EPS15: variants seen among roughly 807,000 people sequenced by gnomAD.
EPS15 encodes the protein epidermal growth factor receptor substrate 15.
In EPS15, 72 loss-of-function variants were observed where a neutral mutation model predicts 113.8. The observed-to-expected ratio is 0.63, with a 90% CI of 0.52 to 0.77. EPS15 has a LOEUF of 0.77. EPS15 is among the 30% of genes least tolerant of loss of function. The pLI is 0.00. For synonymous variants in EPS15, 344 were observed against 363.4 expected (o/e 0.95, Z 0.61); for missense variants, 1,048 against 1,045.8 (o/e 1.00, Z -0.03).
At chr1:51,471,767 T>C (rs199852482) in intron 3 of EPS15, 30 bp from the exon 4 acceptor site, 57 of 1,524,662 alleles carry the variant, frequency 3.7e-5, no homozygotes, top group Admixed American at 2.4e-4. Context: ...AATATCAATG[T>C]ATATTTTAAA....
intron 12 of EPS15, among the ~76,000 whole-genome samples, chr1:51,422,753 T>G (rs1650876423): frequency 6.6e-6 from 1 of 152,236 alleles, no homozygotes; most frequent in African/African-American, 2.4e-5. Flanking sequence ...CTCCCTTCAC[T>G]TTCTTTTCTA....
intron 1 of EPS15, among the ~76,000 whole-genome samples, chr1:51,489,793 C>T (rs1044101249): frequency 6.6e-6 from 1 of 152,142 alleles, no homozygotes; most frequent in Admixed American, 6.5e-5. Flanking sequence ...GAAGCTTCAA[C>T]AGCTATTGTG....
intron 8 of EPS15, among the ~76,000 whole-genome samples, chr1:51,451,476 G>C (rs1179299289): frequency 9.0e-6 from 1 of 110,920 alleles, no homozygotes; most frequent in Non-Finnish European, 1.7e-5. Flanking sequence ...GGGAAACAGA[G>C]AGAGACTCCA....
At position 51,430,977 on chromosome 1, in the gene EPS15, TACACACACACAC is replaced by T. The variant is rs67920039; in HGVS notation, c.1041-9131_1041-9120del. Among the ~76,000 whole-genome samples, 578 of 122,080 alleles carry T rather than the reference TACACACACACAC, an allele frequency of 4.7e-3. 2 individuals carry two copies. Among genetic ancestry groups the T allele is most frequent in the African/African-American group, 0.014 (445 of 31,788 alleles). 80.1% of individuals were successfully genotyped at this position (122,080 alleles called of 152,430 possible). On this transcript the variant is annotated intron_variant, in intron 12 of 24. Transcript: ENST00000371733. ...CTATCTGAAAAATACATTACTTACA[TACACACACACAC>T]ACACACACACACACACACACACACA...
intron 21 of EPS15, among the ~76,000 whole-genome samples, chr1:51,388,890 C>G (rs901087660): frequency 6.6e-6 from 1 of 151,706 alleles, no homozygotes; most frequent in Non-Finnish European, 1.5e-5. Flanking sequence ...ACCAGAGGTA[C>G]AAGGAGGAAC....
chr1:51,434,999 T>C (rs1652027073), intron 12 of EPS15, among the ~76,000 whole-genome samples: 1 of 151,880 alleles, frequency 6.6e-6, no homozygotes, highest in Admixed American at 6.6e-5. Context: ...ACCACTGAAT[T>C]GTATGTTTAA....
At chr1:51,463,407 T>C (rs146768861) in intron 7 of EPS15, 4 of 250,760 alleles carry the variant, frequency 1.6e-5, no homozygotes, top group Admixed American at 5.2e-5. Context: ...AGGTCAAGAG[T>C]GTACAGCACA....
chr1:51,456,519 C>T (rs1351487807), intron 8 of EPS15, among the ~76,000 whole-genome samples: 2 of 152,226 alleles, frequency 1.3e-5, no homozygotes, highest in African/African-American at 4.8e-5. Flanking sequence ...AAACCAAAAT[C>T]CTGGCAGAGT....
chr1:51,465,405 T>A, intron 5 of EPS15, 79 bp from the exon 6 acceptor site: 1 of 912,374 alleles, frequency 1.1e-6, no homozygotes, highest in Non-Finnish European at 1.7e-6. Flanking sequence ...TTTTTGGATT[T>A]AAATATGTTC....
At chr1:51,371,956 A>C (rs575496559) in intron 21 of EPS15, among the ~76,000 whole-genome samples, 160 of 152,338 alleles carry the variant, frequency 1.1e-3, no homozygotes, top group African/African-American at 3.7e-3. Flanking sequence ...TGCCTACAGT[A>C]TTCAGTATAG....
At chr1:51,360,908 A>T (rs1174818169) in intron 24 of EPS15, among the ~76,000 whole-genome samples, 1 of 152,184 alleles carries the variant, frequency 6.6e-6, no homozygotes. Context: ...TTTTACTTAC[A>T]TTACCAAGAC....
intron 8 of EPS15, among the ~76,000 whole-genome samples, chr1:51,456,007 G>T (rs1653969791): frequency 6.6e-6 from 1 of 151,180 alleles, no homozygotes; most frequent in Admixed American, 6.6e-5. Context: ...TTAAACTACT[G>T]GGCTTCTGAG....
intron 21 of EPS15, among the ~76,000 whole-genome samples, chr1:51,384,298 C>CTTTTTTT (rs67265512): frequency 8.0e-5 from 8 of 99,520 alleles, no homozygotes; most frequent in African/African-American, 1.8e-4. Flanking sequence ...TTCTTTCTTT[C>CTTTTTTT]TTTTTTTTTT....
At chr1:51,477,724 T>C (rs1643936241) in intron 2 of EPS15, among the ~76,000 whole-genome samples, 1 of 152,216 alleles carries the variant, frequency 6.6e-6, no homozygotes, top group Non-Finnish European at 1.5e-5. Flanking sequence ...CAGTAGTCAT[T>C]CAGGAGCAGG....
intron 22 of EPS15, 124 bp from the exon 23 acceptor site, chr1:51,364,152 A>G (rs753586588): frequency 1.9e-5 from 14 of 753,316 alleles, no homozygotes; most frequent in Non-Finnish European, 2.5e-5. Flanking sequence ...GAACACTGAA[A>G]TTTTAACCTT....
intron 11 of EPS15, among the ~76,000 whole-genome samples, chr1:51,443,716 T>A (rs1309009861): frequency 1.3e-5 from 2 of 151,912 alleles, no homozygotes; most frequent in Non-Finnish European, 2.9e-5. Context: ...CAGTTGGATC[T>A]TACTTAGCTC....
chr1:51,409,489 G>GT, intron 14 of EPS15, 46 bp downstream of exon 14: 1 of 1,531,692 alleles, frequency 6.5e-7, no homozygotes, highest in Non-Finnish European at 8.8e-7. Context: ...GCCAGGAAAA[G>GT]CAACTAATGT....
At position 51,355,284 on chromosome 1, in the gene EPS15, T is replaced by TCAGATTAACA. The variant is rs1259399135; in HGVS notation, c.*1406_*1415dup. The TCAGATTAACA allele has an allele frequency of 3.2e-5, 7 of 218,374 alleles. No individual in the cohort carries two copies. Among genetic ancestry groups the TCAGATTAACA allele is most frequent in the Non-Finnish European group, 5.5e-5 (6 of 108,728 alleles). The allele number at this position is 218,374 out of a possible 1,614,324, so 13.5% of individuals were successfully genotyped here. A position where few individuals can be genotyped will look rare whatever the true frequency, so the allele number is the denominator to read the frequency against. ...ATTTATAGGCTAGGCAATAAGTTAC[T>TCAGATTAACA]CAGATTAACACAGATCAATACCACC... is the stretch of plus-strand genomic sequence containing the variant. On this transcript the variant is annotated 3_prime_UTR_variant, in exon 25 of 25. Transcript: ENST00000371733.
At position 51,356,662 on chromosome 1, in the gene EPS15, A is replaced by G. The variant is rs1360322578; in HGVS notation, c.*38T>C. On this transcript the variant is annotated 3_prime_UTR_variant, in exon 25 of 25. Coordinates refer to ENST00000371733, the MANE Select transcript of EPS15 (RefSeq NM_001981.3). ...GTAAATAGTTTCAGTATTCAGGAAG[A>G]AGAATACTATATTGTTGCCAAAGAA... is the stretch of plus-strand genomic sequence containing the variant. 1 of 1,573,804 alleles carries G rather than the reference A, an allele frequency of 6.4e-7. No homozygotes were observed. The highest frequency in any genetic ancestry group is 1.4e-5 in the African/African-American group (1 of 73,468).
Sources: gnomAD v4.1 joint callset for allele counts (sites outside exome capture counted in the v4.1 genomes callset) on GRCh38, gnomAD v4.1.1 for gene constraint, MANE v1.5 for transcripts, NCBI Gene and HGNC (gene_info 2026-07-23, HGNC 2026-07-21) for gene names.